The following ROBO1 variants were observed in gnomAD, a reference collection of about 807,000 sequenced individuals.
ROBO1 encodes roundabout homolog 1.
ROBO1 carries 149 observed loss-of-function variants against 195.9 expected under a neutral mutation model. The observed-to-expected ratio is 0.76, with a 90% CI of 0.67 to 0.87. The LOEUF is 0.87. Among genes scored for constraint, ROBO1 ranks in the 40% least tolerant of loss-of-function variants. The pLI, the probability that ROBO1 is intolerant of heterozygous loss-of-function variation, is 0.00. For missense variants in ROBO1, 1,933 were observed against 2,068.3 expected (o/e 0.93, Z 1.27); for synonymous variants, 816 against 733.2 (o/e 1.11, Z -1.82).
chr3:78,956,785 A>G (rs1031933), intron 3 of ROBO1, among the ~76,000 whole-genome samples: 24,638 of 152,170 alleles, frequency 0.16, 3,156 homozygotes, highest in African/African-American at 0.36. Context: ...TTGAAGACAC[A>G]GCCTTCCTGT....
intron 4 of ROBO1, among the ~76,000 whole-genome samples, chr3:78,891,726 T>C (rs1162863335): frequency 6.6e-6 from 1 of 152,224 alleles, no homozygotes; most frequent in Non-Finnish European, 1.5e-5. Flanking sequence ...CAAATTGTGA[T>C]ATATTCATAC....
intron 2 of ROBO1, among the ~76,000 whole-genome samples, chr3:79,301,112 T>TACTGCTCACTCTTTGGGTCC (rs1445377989): frequency 6.6e-6 from 1 of 152,148 alleles, no homozygotes; most frequent in Admixed American, 6.5e-5. Context: ...TAAATGTTGC[T>TACTGCTCACTCTTTGGGTCC]ACTGCTCACT....
intron 2 of ROBO1, among the ~76,000 whole-genome samples, chr3:79,417,164 T>G (rs552174193): frequency 4.6e-5 from 7 of 152,050 alleles, no homozygotes; most frequent in Admixed American, 6.6e-5. Context: ...GAGAAGGGGG[T>G]GGAAATGATG....
chr3:79,687,979 A>G (rs1947180291), intron 1 of ROBO1, among the ~76,000 whole-genome samples: 1 of 152,134 alleles, frequency 6.6e-6, no homozygotes, highest in African/African-American at 2.4e-5. Flanking sequence ...CCAAATGTCC[A>G]ACAATGATAG....
intron 5 of ROBO1, among the ~76,000 whole-genome samples, chr3:78,719,254 T>G (rs867702213): frequency 1.3e-5 from 2 of 152,148 alleles, no homozygotes; most frequent in South Asian, 2.1e-4. Flanking sequence ...CAAATACTGT[T>G]GTTGAACGTA....
chr3:79,034,551 T>TGTCTATG (rs1209806396), intron 3 of ROBO1, among the ~76,000 whole-genome samples: 1 of 152,102 alleles, frequency 6.6e-6, no homozygotes, highest in Non-Finnish European at 1.5e-5. Flanking sequence ...TAGTAAAAGA[T>TGTCTATG]GTCTATGGTG....
chr3:79,497,132 T>TA (rs1939790509), intron 2 of ROBO1, among the ~76,000 whole-genome samples: 2 of 152,244 alleles, frequency 1.3e-5, no homozygotes, highest in South Asian at 2.1e-4. Context: ...TGGAAAGACT[T>TA]AAAGAAAATG....
chr3:79,258,531 T>C (rs1576887165), intron 2 of ROBO1, among the ~76,000 whole-genome samples: 2 of 152,272 alleles, frequency 1.3e-5, no homozygotes, highest in East Asian at 1.9e-4. Context: ...AAGATCACAG[T>C]AGAAATTTTT....
intron 16 of ROBO1, 83 bp downstream of exon 16, chr3:78,660,947 C>T (rs1483953261): frequency 5.4e-6 from 5 of 926,478 alleles, no homozygotes; most frequent in African/African-American, 5.0e-5. Flanking sequence ...CCACTATTAA[C>T]ATTATAACAA....
At chr3:78,652,656 G>A (rs533815735) in intron 18 of ROBO1, among the ~76,000 whole-genome samples, 48 of 152,220 alleles carry the variant, frequency 3.2e-4, no homozygotes, top group African/African-American at 1.1e-3. Context: ...ATCATGGCGA[G>A]CAACAGATAA....
At chr3:79,602,853 C>T (rs538722816) in intron 1 of ROBO1, among the ~76,000 whole-genome samples, 1 of 152,030 alleles carries the variant, frequency 6.6e-6, no homozygotes, top group African/African-American at 2.4e-5. Context: ...TTTGGGCAAG[C>T]TTTGTGCTAT....
Position 79,520,772 on chromosome 3 carries a change from A to G in ROBO1, c.88+69052T>C, listed in dbSNP as rs182021565. Among the ~76,000 whole-genome samples the G allele has an allele frequency of 3.3e-5, 5 of 152,292 alleles. No homozygotes were observed. In the East Asian group the frequency reaches 9.6e-4, roughly 29 times the overall value. ...AATTGATATTTGTATCCAACATATG[A>G]TAATGAAACTAATGTCTCTTGGTTC... On this transcript the variant is annotated intron_variant, in intron 2 of 30. Coordinates refer to ENST00000464233, the MANE Select transcript of ROBO1 (RefSeq NM_002941.4).
intron 2 of ROBO1, among the ~76,000 whole-genome samples, chr3:79,265,954 C>G (rs2029893315): frequency 6.6e-6 from 1 of 150,878 alleles, no homozygotes; most frequent in Non-Finnish European, 1.5e-5. Flanking sequence ...GACAAGAAAA[C>G]AAAGTATCAA....
At chr3:79,455,126 T>TA (rs111414854) in intron 2 of ROBO1, among the ~76,000 whole-genome samples, 2,228 of 142,632 alleles carry the variant, frequency 0.016, 40 homozygotes, top group African/African-American at 0.046. Flanking sequence ...TCACACCTTG[T>TA]AAAAAAAAAA....
chr3:79,061,542 A>G (rs1299114429), intron 3 of ROBO1, among the ~76,000 whole-genome samples: 3 of 152,206 alleles, frequency 2.0e-5, no homozygotes, highest in Non-Finnish European at 4.4e-5. Context: ...CCATATAGCC[A>G]AGATAATCCT....
intron 2 of ROBO1, among the ~76,000 whole-genome samples, chr3:79,182,761 A>C (rs2081365061): frequency 6.6e-6 from 1 of 152,180 alleles, no homozygotes; most frequent in African/African-American, 2.4e-5. Flanking sequence ...CACTTCTCCC[A>C]CGAATGGTAC....
chr3:79,332,310 A>C (rs566149882), intron 2 of ROBO1, among the ~76,000 whole-genome samples: 1 of 152,312 alleles, frequency 6.6e-6, no homozygotes, highest in South Asian at 2.1e-4. Context: ...TAAGATGTGC[A>C]TTTATAACAT....
intron 27 of ROBO1, 78 bp downstream of exon 27, chr3:78,617,557 A>C (rs1230905657): frequency 6.9e-7 from 1 of 1,442,338 alleles, no homozygotes; most frequent in African/African-American, 1.4e-5. Context: ...AGGACGTAAG[A>C]TCATAGGACA....
At chr3:79,325,767 T>C (rs1330308669) in intron 2 of ROBO1, among the ~76,000 whole-genome samples, 1 of 152,120 alleles carries the variant, frequency 6.6e-6, no homozygotes, top group Non-Finnish European at 1.5e-5. Context: ...AGCATGTGTG[T>C]TTGAACAATA....
Sources: gnomAD v4.1 joint callset for allele counts (sites outside exome capture counted in the v4.1 genomes callset) on GRCh38, gnomAD v4.1.1 for gene constraint, MANE v1.5 for transcripts, NCBI Gene and HGNC (gene_info 2026-07-23, HGNC 2026-07-21) for gene names.